Variants in AKAP13 observed in about 807,000 individuals in gnomAD.
AKAP13 encodes A-kinase anchoring protein 13, also known as A-kinase anchor protein 13.
A neutral mutation model predicts 264.5 loss-of-function variants in AKAP13; 80 were observed. That is an observed-to-expected ratio of 0.30 (90% CI 0.25 to 0.36). The LOEUF (loss-of-function observed/expected upper bound fraction) is 0.36. Ranked by LOEUF, AKAP13 falls within the 10% of genes least tolerant of loss-of-function variation. AKAP13 has a pLI of 1.00. For synonymous variants in AKAP13, 1,380 were observed against 1,250.2 expected (o/e 1.10, Z -2.19); for missense variants, 3,712 against 3,435.2 (o/e 1.08, Z -2.01).
chr15:85,400,877 T>A (rs1441133990), intron 1 of AKAP13, among the ~76,000 whole-genome samples: 812 of 30,394 alleles, frequency 0.027, 22 homozygotes, highest in East Asian at 0.11. Flanking sequence ...TATATATATT[T>A]TTTTTTTTTA....
At chr15:85,668,836 A>G (rs1251788720) in intron 13 of AKAP13, among the ~76,000 whole-genome samples, 3 of 152,146 alleles carry the variant, frequency 2.0e-5, no homozygotes, top group African/African-American at 7.2e-5. Context: ...CCAGCTACTC[A>G]GGAGGCTGAG....
chr15:85,741,525 A>C (rs1390944461), intron 35 of AKAP13, 30 bp downstream of exon 35: 4 of 1,539,020 alleles, frequency 2.6e-6, no homozygotes, highest in South Asian at 2.5e-5. Flanking sequence ...AGAGCAACCT[A>C]ATGATGATAT....
intron 5 of AKAP13, among the ~76,000 whole-genome samples, chr15:85,566,501 G>C (rs1418321725): frequency 6.6e-6 from 1 of 152,040 alleles, no homozygotes; most frequent in South Asian, 2.1e-4. Flanking sequence ...CTCTAGCATA[G>C]TGCCTACCAC....
rs144147541 is a variant in AKAP13, at chr15:85,643,832, G to A, written c.4238-1986G>A. ...TCGGCAAGCTGTATGTATCTCAGAC[G>A]GTTTGACTGTCGTGACCCCATTACT... On this transcript the variant is annotated intron_variant, in intron 9 of 36. Coordinates refer to ENST00000394518, the MANE Select transcript of AKAP13 (RefSeq NM_007200.5). Among the ~76,000 whole-genome samples, 645 of 152,202 alleles carry A rather than the reference G, an allele frequency of 4.2e-3. 6 individuals carry two copies. Among genetic ancestry groups the A allele is most frequent in the East Asian group, 9.1e-3 (47 of 5,184 alleles).
At position 85,741,281 on chromosome 15, in the gene AKAP13, G is replaced by T. The variant is rs115906769; in HGVS notation, c.7844G>T (p.Arg2615Leu). 1.9e-6 allele frequency: 3 copies of T among 1,610,516 alleles called. No individual in the cohort carries two copies. The highest frequency in any genetic ancestry group is 1.7e-5 in the Admixed American group (1 of 59,468). Reference protein sequence around the residue: ...WEARERELREREALLAQREEE... With the variant: ...WEARERELRELEALLAQREEE... Reference sequence around the variant, plus strand: ...GCTCGTGAGAGGGAGCTGCGGGAGCGGGAGGCCCTCCTGGCCCAGCGCGAG... The same window carrying T: ...GCTCGTGAGAGGGAGCTGCGGGAGCTGGAGGCCCTCCTGGCCCAGCGCGAG... The change falls in exon 35 of 37, where the codon CGG (arginine) becomes CTG (leucine). Residue 2615 changes from arginine to leucine, a missense_variant. By Grantham distance (102) the Arg-to-Leu change is moderately radical. Coordinates refer to ENST00000394518, the MANE Select transcript of AKAP13 (RefSeq NM_007200.5).
At position 85,580,177 on chromosome 15, in the gene AKAP13, A is replaced by G; in HGVS notation, c.2109A>G (p.Pro703=). 1 of 1,614,168 alleles carries G rather than the reference A, an allele frequency of 6.2e-7. No individual in the cohort carries two copies. The highest frequency in any genetic ancestry group is 1.1e-5 in the South Asian group (1 of 91,086). ...TTARQPSSQD[P]PDASHCEDPQ... is the part of the protein sequence containing the mutation. Reference sequence around the variant, plus strand: ...CAAGGCAACCCAGCTCACAAGATCCACCCGATGCCTCCCACTGTGAAGACC... The same window carrying G: ...CAAGGCAACCCAGCTCACAAGATCCGCCCGATGCCTCCCACTGTGAAGACC... The change falls in exon 7 of 37, where the codon CCA becomes CCG. Residue 703 remains proline (P), a synonymous_variant. Transcript: ENST00000394518.
At chr15:85,738,477 T>TTTAA (rs2088704443) in intron 33 of AKAP13, among the ~76,000 whole-genome samples, 1 of 152,170 alleles carries the variant, frequency 6.6e-6, no homozygotes, top group African/African-American at 2.4e-5. Context: ...TGTTTTTAAA[T>TTTAA]GTATTATAAA....
At chr15:85,624,556 GT>G (rs2081327319) in intron 8 of AKAP13, 1 of 152,210 alleles carries the variant, frequency 6.6e-6, no homozygotes, top group African/African-American at 2.4e-5. Context: ...CTCAGATACT[GT>G]CCAATTCCCT....
At chr15:85,638,152 G>C (rs192150841) in intron 8 of AKAP13, among the ~76,000 whole-genome samples, 51 of 152,144 alleles carry the variant, frequency 3.4e-4, no homozygotes, top group Admixed American at 7.8e-4. Flanking sequence ...CTAAAGTGCT[G>C]GGATTACAGG....
chr15:85,744,634 C>A lies in AKAP13; in HGVS notation c.8399C>A (p.Pro2800His), dbSNP rs116005584. 22 of 1,613,814 alleles carry A rather than the reference C, an allele frequency of 1.4e-5. No homozygotes were observed. The East Asian group carries it at 4.7e-4, about 34-fold the overall frequency. ...TTGGTTTTCACATTTCCAGATGGTC[C>A]CGCGTCAGAAGTATCAGCAGAGGGT... ...KTSRSQPGDG[P>H]ASEVSAEGEE... is the part of the protein sequence containing the mutation. Residue 2800 changes from proline to histidine, a missense_variant, in exon 37 of 37, where the codon CCC (proline) becomes CAC (histidine). Pro to His is a moderately conservative substitution (Grantham distance 77, BLOSUM62 -2). Around this residue, in one of 3 missense-constraint regions of AKAP13, gnomAD observed 611 missense variants for 539.3 expected, o/e 1.13. Coordinates refer to ENST00000394518, the MANE Select transcript of AKAP13 (RefSeq NM_007200.5).
At chr15:85,572,970 T>A (rs1374039807) in intron 5 of AKAP13, among the ~76,000 whole-genome samples, 1 of 152,226 alleles carries the variant, frequency 6.6e-6, no homozygotes, top group African/African-American at 2.4e-5. Flanking sequence ...GTTTCTAGCT[T>A]CATCCATTTC....
Position 85,475,054 on chromosome 15 carries a change from T to C in AKAP13, c.-11-10656T>C, listed in dbSNP as rs2075108467. The stretch of plus-strand genomic sequence containing the variant: ...AGCCTACCTGCCTATATTTAGTCTT[T>C]CCAGGTGGTTTATAATTGGTTTAGC... On this transcript the variant is annotated intron_variant, in intron 1 of 36. Transcript: ENST00000394518. Among the ~76,000 whole-genome samples the C allele has an allele frequency of 2.6e-5, 4 of 152,160 alleles. No individual in the cohort carries two copies. The South Asian group carries it at 6.2e-4, about 24-fold the overall frequency.
chr15:85,418,406 G>T (rs1256404970), intron 1 of AKAP13, among the ~76,000 whole-genome samples: 1 of 152,144 alleles, frequency 6.6e-6, no homozygotes, highest in Non-Finnish European at 1.5e-5. Context: ...CAAAGTCAGT[G>T]TGTGTATTTT....
intron 33 of AKAP13, among the ~76,000 whole-genome samples, chr15:85,738,695 G>T (rs528645758): frequency 6.6e-6 from 1 of 151,004 alleles, no homozygotes; most frequent in South Asian, 2.1e-4. Context: ...AAAATTAGCC[G>T]GGCGCGGTGG....
At chr15:85,666,098 C>T (rs534082611) in intron 13 of AKAP13, among the ~76,000 whole-genome samples, 57 of 152,314 alleles carry the variant, frequency 3.7e-4, no homozygotes, top group African/African-American at 1.3e-3. Context: ...GAGGAATCGC[C>T]ACACTGTCTT....
At chr15:85,425,922 T>C (rs1362792888) in intron 1 of AKAP13, among the ~76,000 whole-genome samples, 1 of 151,926 alleles carries the variant, frequency 6.6e-6, no homozygotes, top group African/African-American at 2.4e-5. Flanking sequence ...AAAAGAGTCA[T>C]TATCAGATTG....
intron 5 of AKAP13, among the ~76,000 whole-genome samples, chr15:85,566,875 G>A (rs1056592668): frequency 2.6e-5 from 4 of 151,812 alleles, no homozygotes; most frequent in African/African-American, 7.3e-5. Flanking sequence ...TGATCTGCCT[G>A]CGTCGGCCTC....
In AKAP13 at chr15:85,660,759, A is replaced by G. The variant is rs2083308487; in HGVS notation, c.4799+2169A>G. Among the ~76,000 whole-genome samples the G allele has an allele frequency of 2.0e-5, 3 of 152,232 alleles. No homozygotes were observed. The South Asian group carries it at 6.2e-4, about 32-fold the overall frequency. ...CAGACCAGCGAAGTGTCTCCACTAT[A>G]TTTTTACTTTCTGCTTCTGCACTTG... On this transcript the variant is annotated intron_variant, in intron 12 of 36. Transcript: ENST00000394518.
At chr15:85,469,277 A>C (rs2074870234) in intron 1 of AKAP13, among the ~76,000 whole-genome samples, 1 of 151,932 alleles carries the variant, frequency 6.6e-6, no homozygotes, top group African/African-American at 2.4e-5. Flanking sequence ...GTCCTATTGC[A>C]ACCAGAAAGT....
Sources: allele counts gnomAD v4.1 joint callset (sites outside exome capture counted in the v4.1 genomes callset), GRCh38; gene constraint gnomAD v4.1.1; regional missense constraint gnomAD v4.1.1; transcripts MANE v1.5; gene names NCBI Gene and HGNC (gene_info 2026-07-23, HGNC 2026-07-21).